The following ENTREP1 variants were observed in gnomAD, a reference collection of about 807,000 sequenced individuals.
ENTREP1 encodes endosomal transmembrane epsin interactor 1.
chr9:69,362,382 C>G, the ENTREP1 span, among the ~76,000 whole-genome samples: 1 of 152,124 alleles, frequency 6.6e-6, no homozygotes, highest in Non-Finnish European at 1.5e-5. Flanking sequence ...AACATTCTTT[C>G]ATTGGGTCAG....
At chr9:69,331,988 T>A in the ENTREP1 span, among the ~76,000 whole-genome samples, 2 of 152,198 alleles carry the variant, frequency 1.3e-5, no homozygotes, top group African/African-American at 4.8e-5. Flanking sequence ...CTCCTTCTCT[T>A]CTTCTTTTCC....
At chr9:69,389,931 A>T in the ENTREP1 span, among the ~76,000 whole-genome samples, 1 of 152,228 alleles carries the variant, frequency 6.6e-6, no homozygotes, top group African/African-American at 2.4e-5. Context: ...CAGGACTGGA[A>T]CCTAGAGGTG....
At chr9:69,383,925 C>T in the ENTREP1 span, 76 of 1,605,874 alleles carry the variant, frequency 4.7e-5, no homozygotes, top group Non-Finnish European at 6.0e-5. Flanking sequence ...ACAAAATAAC[C>T]CTGTTTTTTG....
chr9:69,361,702 TC>T, the ENTREP1 span, among the ~76,000 whole-genome samples: 1 of 152,220 alleles, frequency 6.6e-6, no homozygotes, highest in African/African-American at 2.4e-5. Context: ...AATTTCTAAT[TC>T]TTTTTTTAAT....
the ENTREP1 span, among the ~76,000 whole-genome samples, chr9:69,337,103 C>A: frequency 5.3e-5 from 8 of 151,446 alleles, no homozygotes; most frequent in African/African-American, 1.9e-4. Flanking sequence ...CAACCTCTGC[C>A]TCCCAGGTTT....
At chr9:69,372,893 C>A in the ENTREP1 span, among the ~76,000 whole-genome samples, 1 of 151,620 alleles carries the variant, frequency 6.6e-6, no homozygotes, top group East Asian at 1.9e-4. Context: ...TAAGGTGATA[C>A]CTCATTTGGT....
the ENTREP1 span, among the ~76,000 whole-genome samples, chr9:69,367,809 A>G: frequency 1.3e-5 from 1 of 76,036 alleles, no homozygotes; most frequent in East Asian, 3.1e-4. Flanking sequence ...AAATATATAT[A>G]CACACATATA....
chr9:69,362,630 T>G, the ENTREP1 span, among the ~76,000 whole-genome samples: 1 of 152,110 alleles, frequency 6.6e-6, no homozygotes, highest in Non-Finnish European at 1.5e-5. Flanking sequence ...GTCAACTTGA[T>G]TGGATTGAAG....
At chr9:69,391,883 A>G in the ENTREP1 span, 4 of 1,384,158 alleles carry the variant, frequency 2.9e-6, no homozygotes, top group African/African-American at 5.8e-5. Context: ...GCTGTGGTCC[A>G]CCTCAAAAAA....
the ENTREP1 span, chr9:69,379,435 TG>T: frequency 8.0e-3 from 1,212 of 152,398 alleles, 8 homozygotes; most frequent in Middle Eastern, 0.041. Context: ...GCTAGGCCTG[TG>T]GGACAGCTTG....
At chr9:69,389,356 A>G in the ENTREP1 span, among the ~76,000 whole-genome samples, 1 of 152,198 alleles carries the variant, frequency 6.6e-6, no homozygotes, top group Non-Finnish European at 1.5e-5. Context: ...AATTGAGTAA[A>G]TACCCTCTCA....
At chr9:69,329,459 A>T in the ENTREP1 span, 25 of 983,634 alleles carry the variant, frequency 2.5e-5, no homozygotes, top group Non-Finnish European at 2.9e-5. Context: ...GGTATATTTT[A>T]TCTATTTTAA....
At chr9:69,382,243 C>T in the ENTREP1 span, 3 of 152,236 alleles carry the variant, frequency 2.0e-5, no homozygotes, top group Non-Finnish European at 4.4e-5. Context: ...CTCTTAGATC[C>T]AGGAAGGGTC....
At chr9:69,349,408 G>A in the ENTREP1 span, among the ~76,000 whole-genome samples, 1 of 152,222 alleles carries the variant, frequency 6.6e-6, no homozygotes, top group East Asian at 1.9e-4. Context: ...AGTGTTTGAA[G>A]GTTCTAGTTT....
chr9:69,344,368 A>C, the ENTREP1 span, among the ~76,000 whole-genome samples: 1 of 152,260 alleles, frequency 6.6e-6, no homozygotes, highest in Non-Finnish European at 1.5e-5. Context: ...AACTGTTTAC[A>C]GTGGACCCCT....
the ENTREP1 span, chr9:69,383,336 CCCCT>C: frequency 1.8e-6 from 2 of 1,092,428 alleles, no homozygotes; most frequent in East Asian, 1.0e-4. Context: ...TCTCCCCCAT[CCCCT>C]GGCAGCCACT....
the ENTREP1 span, chr9:69,391,671 T>C: frequency 1.4e-5 from 22 of 1,614,000 alleles, no homozygotes; most frequent in Non-Finnish European, 1.8e-5. Context: ...CCTGGCCTGC[T>C]GCACCTCCAG....
the ENTREP1 span, chr9:69,392,345 T>G: frequency 1.3e-5 from 2 of 155,966 alleles, no homozygotes; most frequent in African/African-American, 2.4e-5. Flanking sequence ...AAGTGACAAA[T>G]TTTAATGCCA....
the ENTREP1 span, chr9:69,381,521 G>C: frequency 1.3e-5 from 2 of 152,176 alleles, no homozygotes; most frequent in East Asian, 3.9e-4. Flanking sequence ...CCCACGATAG[G>C]CAATGAGAGC....
Sources: gnomAD v4.1 joint callset for allele counts (sites outside exome capture counted in the v4.1 genomes callset) on GRCh38, gnomAD v4.1.1 for gene constraint, MANE v1.5 for transcripts, NCBI Gene and HGNC (gene_info 2026-07-23, HGNC 2026-07-21) for gene names.